The following BMPER variants were observed in gnomAD, a reference collection of about 807,000 sequenced individuals.
BMPER encodes the protein BMP-binding endothelial regulator protein.
A neutral mutation model predicts 87.3 loss-of-function variants in BMPER; 45 were observed. The ratio of observed to expected loss-of-function variants is 0.52; its 90% CI spans 0.41 to 0.66. BMPER has a LOEUF of 0.66. Among genes scored for constraint, BMPER ranks in the 30% least tolerant of loss-of-function variants. BMPER has a pLI of 0.00. For synonymous variants in BMPER, 326 were observed against 316.2 expected (o/e 1.03, Z -0.33); for missense variants, 784 against 867.5 (o/e 0.90, Z 1.21).
chr7:33,963,568 C>T (rs369234121), intron 3 of BMPER, among the ~76,000 whole-genome samples: 6 of 151,958 alleles, frequency 3.9e-5, no homozygotes, highest in Non-Finnish European at 8.8e-5. Flanking sequence ...CAGAGGCAGG[C>T]GGATCACTTG....
intron 2 of BMPER, among the ~76,000 whole-genome samples, chr7:33,912,870 T>G (rs879468417): frequency 3.3e-5 from 5 of 152,198 alleles, no homozygotes; most frequent in Non-Finnish European, 5.9e-5. Context: ...TAGCAGGTTA[T>G]AAATTCAATA....
intron 7 of BMPER, among the ~76,000 whole-genome samples, chr7:34,049,059 A>T (rs1241195919): frequency 6.6e-6 from 1 of 152,160 alleles, no homozygotes; most frequent in African/African-American, 2.4e-5. Context: ...TTTTGCTCTT[A>T]AATTTTCCCT....
At chr7:33,945,521 G>C (rs1217026574) in intron 3 of BMPER, among the ~76,000 whole-genome samples, 1 of 152,054 alleles carries the variant, frequency 6.6e-6, no homozygotes, top group Non-Finnish European at 1.5e-5. Context: ...CAGAGTGCTG[G>C]GATTACAGCT....
In BMPER at chr7:34,076,426, G is replaced by A. The variant is rs376582183; in HGVS notation, c.1079-2431G>A. 1.1e-4 allele frequency among the ~76,000 whole-genome samples: 16 copies of A among 152,218 alleles called. No individual in the cohort carries two copies. In the South Asian group the frequency reaches 1.7e-3, roughly 16 times the overall value. ...AATTTTGGGGTGTGTATGTTTTGGC[G>A]GGGGTTGTGCATATTAATTTTAACA... is the stretch of plus-strand genomic sequence containing the variant. On this transcript the variant is annotated intron_variant, in intron 11 of 14. Transcript: ENST00000649409.
intron 6 of BMPER, among the ~76,000 whole-genome samples, chr7:33,985,780 G>A (rs1785992581): frequency 6.6e-6 from 1 of 150,496 alleles, no homozygotes; most frequent in South Asian, 2.1e-4. Flanking sequence ...TGTTTCTATT[G>A]GGTAGTTAAA....
intron 2 of BMPER, among the ~76,000 whole-genome samples, chr7:33,930,701 G>A (rs1784461481): frequency 6.6e-6 from 1 of 152,148 alleles, no homozygotes; most frequent in Non-Finnish European, 1.5e-5. Context: ...CAGCACTTTG[G>A]GAGGCCGAGG....
At chr7:34,071,805 A>T in intron 11 of BMPER, among the ~76,000 whole-genome samples, 1 of 152,228 alleles carries the variant, frequency 6.6e-6, no homozygotes, top group East Asian at 1.9e-4. Flanking sequence ...AAACACATTA[A>T]ATAAGAGAAT....
chr7:34,112,496 G>GAA (rs35506917), intron 13 of BMPER, among the ~76,000 whole-genome samples: 6 of 18,736 alleles, frequency 3.2e-4, no homozygotes, highest in Non-Finnish European at 4.8e-4. Context: ...CTCCGTCTCA[G>GAA]AAAAAAAAAA....
chr7:34,145,476 C>A (rs955085429), intron 14 of BMPER, among the ~76,000 whole-genome samples: 1 of 152,146 alleles, frequency 6.6e-6, no homozygotes, highest in Non-Finnish European at 1.5e-5. Flanking sequence ...GTGGCTGAGG[C>A]TGCTAAAAGG....
intron 3 of BMPER, among the ~76,000 whole-genome samples, chr7:33,952,315 G>A (rs1371901812): frequency 6.6e-6 from 1 of 152,092 alleles, no homozygotes; most frequent in East Asian, 1.9e-4. Flanking sequence ...ACTTTAAGAT[G>A]ATTTTTCCCC....
chr7:33,977,732 AT>A (rs1477898473), intron 6 of BMPER, among the ~76,000 whole-genome samples: 1 of 152,210 alleles, frequency 6.6e-6, no homozygotes, highest in African/African-American at 2.4e-5. Flanking sequence ...ATATCTCTAT[AT>A]CTGTAATTGC....
chr7:34,065,058 T>C (rs1454526243), intron 11 of BMPER, among the ~76,000 whole-genome samples: 1 of 152,190 alleles, frequency 6.6e-6, no homozygotes, highest in Non-Finnish European at 1.5e-5. Context: ...TCTCTTAATA[T>C]ACAGATTTCT....
intron 13 of BMPER, among the ~76,000 whole-genome samples, chr7:34,121,609 T>G (rs567894759): frequency 1.3e-5 from 2 of 152,210 alleles, no homozygotes; most frequent in Non-Finnish European, 2.9e-5. Context: ...ACAGTTTTCA[T>G]TGGGAGAAGC....
chr7:34,127,618 C>T (rs367940269), intron 13 of BMPER, among the ~76,000 whole-genome samples: 16 of 152,248 alleles, frequency 1.1e-4, no homozygotes, highest in East Asian at 9.7e-4. Context: ...CGCTCCACCC[C>T]GCTCCTTTCT....
At chr7:34,101,220 G>GT (rs903212441) in intron 13 of BMPER, among the ~76,000 whole-genome samples, 4 of 152,102 alleles carry the variant, frequency 2.6e-5, no homozygotes, top group African/African-American at 7.2e-5. Flanking sequence ...GCATCACGAC[G>GT]TTTTTTTCCC....
intron 4 of BMPER, 79 bp downstream of exon 4, chr7:33,966,640 A>G (rs1785414107): frequency 4.3e-6 from 6 of 1,406,804 alleles, no homozygotes; most frequent in Non-Finnish European, 6.0e-6. Flanking sequence ...ACAACATAGA[A>G]CAAAACCCTA....
chr7:33,998,812 G>A (rs954610178), intron 6 of BMPER, among the ~76,000 whole-genome samples: 5 of 152,220 alleles, frequency 3.3e-5, no homozygotes, highest in South Asian at 2.1e-4. Context: ...CGCAGTGGCC[G>A]ACCTGCTCAT....
intron 13 of BMPER, among the ~76,000 whole-genome samples, chr7:34,106,125 T>C (rs1789812575): frequency 6.6e-6 from 1 of 152,162 alleles, no homozygotes; most frequent in South Asian, 2.1e-4. Flanking sequence ...TCCAGACATT[T>C]CCAGGGCAAA....
At chr7:34,087,156 C>T (rs1410462456) in intron 13 of BMPER, among the ~76,000 whole-genome samples, 1 of 152,080 alleles carries the variant, frequency 6.6e-6, no homozygotes, top group Non-Finnish European at 1.5e-5. Context: ...ATCACAAATC[C>T]CCGAACATGG....
Sources: allele counts gnomAD v4.1 joint callset (sites outside exome capture counted in the v4.1 genomes callset), GRCh38; gene constraint gnomAD v4.1.1; transcripts MANE v1.5; gene names NCBI Gene and HGNC (gene_info 2026-07-23, HGNC 2026-07-21).